The following PTCH1 variants were observed in gnomAD, a reference collection of about 807,000 sequenced individuals.
PTCH1 encodes patched 1, also known as protein patched homolog 1.
PTCH1 carries 14 observed loss-of-function variants against 144.6 expected under a neutral mutation model. The ratio of observed to expected loss-of-function variants is 0.10; its 90% CI spans 0.06 to 0.15. PTCH1 has a LOEUF of 0.15. Among genes scored for constraint, PTCH1 ranks in the 10% least tolerant of loss-of-function variants. The pLI is 1.00. For synonymous variants in PTCH1, 833 were observed against 793.6 expected, an observed-to-expected ratio of 1.05 and a Z score of -0.83; for missense variants, 1,623 against 1,948.3, an observed-to-expected ratio of 0.83 and a Z score of 3.14.
At chr9:95,474,528 T>G (rs1840869060) in intron 12 of PTCH1, among the ~76,000 whole-genome samples, 1 of 152,216 alleles carries the variant, frequency 6.6e-6, no homozygotes, top group African/African-American at 2.4e-5. Flanking sequence ...CTATATAAAT[T>G]TATAATATAA....
chr9:95,474,545 CCT>C (rs1444540254), intron 12 of PTCH1, among the ~76,000 whole-genome samples: 2 of 152,086 alleles, frequency 1.3e-5, no homozygotes, highest in East Asian at 1.9e-4. Context: ...ATAAATAAAC[CCT>C]GTTTTCTTTT....
In PTCH1 at chr9:95,458,202, T is replaced by G; in HGVS notation, c.2979A>C (p.Lys993Asn). The change falls in exon 18 of 24, where the codon AAA becomes AAC. Residue 993 changes from lysine to asparagine, a missense_variant. Around this residue, in one of 7 missense-constraint regions of PTCH1, gnomAD observed 504 missense variants for 679.3 expected, o/e 0.74. Coordinates refer to ENST00000331920, the MANE Select transcript of PTCH1 (RefSeq NM_000264.5). The surrounding 1 kb of genome is among the most constrained non-coding windows in gnomAD (Gnocchi z 4.7). ...TATAGTTGCTGCAGATGGTCCTTAC[T>G]TTTTCAATTGCCTCCACAAAGTCTG... Reference protein sequence around the residue: ...DTSDFVEAIEKVRTICSNYTS... With the variant: ...DTSDFVEAIENVRTICSNYTS... 6.2e-7 allele frequency: 1 copy of G among 1,614,172 alleles called. No individual in the cohort carries two copies.
chr9:95,511,081 C>G (rs978788408), upstream of PTCH1, among the ~76,000 whole-genome samples: 2 of 149,858 alleles, frequency 1.3e-5, no homozygotes, highest in African/African-American at 4.9e-5. Flanking sequence ...TCCCCGCGAC[C>G]GGCCAATGGT....
At chr9:95,516,611 T>C in exon 1 of PTCH1, 1 of 1,603,644 alleles carries the variant, frequency 6.2e-7, no homozygotes, top group Non-Finnish European at 8.5e-7. Context: ...TCTTCCCTCG[T>C]CTCCCCCTTG....
intron 20 of PTCH1, chr9:95,453,208 C>T: frequency 4.6e-6 from 2 of 434,848 alleles, no homozygotes; most frequent in South Asian, 4.0e-5. Context: ...TCTCAGCTCA[C>T]TGCAACCTCC....
At chr9:95,500,893 C>CA (rs1843101430) in intron 2 of PTCH1, among the ~76,000 whole-genome samples, 1 of 152,224 alleles carries the variant, frequency 6.6e-6, no homozygotes, top group South Asian at 2.1e-4. Flanking sequence ...AGATACCCCC[C>CA]ACCAAAAGGT....
At chr9:95,506,684 A>ACCC in intron 1 of PTCH1, 85 bp from the exon 2 acceptor site, 2 of 1,086,724 alleles carry the variant, frequency 1.8e-6, no homozygotes, top group Non-Finnish European at 2.4e-6. Context: ...CCGCCCGGTG[A>ACCC]GCCCCCAACA....
In PTCH1 at chr9:95,447,028, C is replaced by T. The variant is rs1554688143; in HGVS notation, c.4228G>A (p.Glu1410Lys). ...ACGTGGAAAGGCACGTGGGGGTCCT[C>T]AAACAGGCCGTGGTCAGTCTCAGGG... ...GYPETDHGLF[E>K]DPHVPFHVRC... Residue 1410 changes from glutamate (E) to lysine (K), a missense_variant, in exon 23 of 24, where the codon GAG (glutamate) becomes AAG (lysine). Physicochemically the swap from Glu to Lys is moderately conservative, Grantham distance 56. Coordinates refer to ENST00000331920, the MANE Select transcript of PTCH1 (RefSeq NM_000264.5). 6.2e-7 allele frequency: 1 copy of T among 1,614,210 alleles called. No individual in the cohort carries two copies. The highest frequency in any genetic ancestry group is 8.5e-7 in the Non-Finnish European group (1 of 1,180,048).
chr9:95,449,916 G>C lies in PTCH1; in HGVS notation c.3474C>G (p.Ile1158Met), dbSNP rs1564009823. The C allele has an allele frequency of 6.2e-7, 1 of 1,614,192 alleles. No individual in the cohort carries two copies. The highest frequency in any genetic ancestry group is 8.5e-7 in the Non-Finnish European group (1 of 1,180,040). ...IVRYFFAVLA[I>M]LTILGVLNGL... The stretch of plus-strand genomic sequence containing the variant: ...CATTGAGAACGCCGAGGATGGTGAG[G>C]ATCGCCAGCACAGCAAAGAAATACC... Residue 1158 changes from isoleucine to methionine, a missense_variant, in exon 21 of 24, where the codon ATC becomes ATG. This residue lies in a region of PTCH1 where 504 missense variants were observed against 679.3 expected (regional missense o/e 0.74). Coordinates refer to ENST00000331920, the MANE Select transcript of PTCH1 (RefSeq NM_000264.5). The surrounding 1 kb of genome is among the most constrained non-coding windows in gnomAD (Gnocchi z 5.3).
chr9:95,499,940 G>A (rs1587673628), intron 2 of PTCH1, among the ~76,000 whole-genome samples: 1 of 151,902 alleles, frequency 6.6e-6, no homozygotes, highest in Admixed American at 6.6e-5. Flanking sequence ...CAGGAGAACA[G>A]GGCAGACGAG....
At chr9:95,504,644 C>CA (rs1212142180) in intron 2 of PTCH1, among the ~76,000 whole-genome samples, 1 of 152,152 alleles carries the variant, frequency 6.6e-6, no homozygotes, top group African/African-American at 2.4e-5. Flanking sequence ...GGCAGCGCCC[C>CA]TACAGTCTAG....
At chr9:95,507,453 A>G (rs1215357749) in intron 1 of PTCH1, 1 of 984,608 alleles carries the variant, frequency 1.0e-6, no homozygotes, top group Non-Finnish European at 1.2e-6. Context: ...CCTCGTAAAC[A>G]CAATGAACCC....
At position 95,447,404 on chromosome 9, in the gene PTCH1, C is replaced by T. The variant is rs530952447; in HGVS notation, c.3852G>A (p.Gln1284=). Residue 1284 remains glutamine (Q), a synonymous_variant, in exon 23 of 24, where the codon CAG becomes CAA. Transcript: ENST00000331920. ...SRHHPPSNPR[Q]QPHLDSGSLP... ...GGGACCCTGAGTCCAGGTGGGGCTG[C>T]TGTCTCGGGTTCGAGGGTGGGTGAT... 2 of 1,608,180 alleles carry T rather than the reference C, an allele frequency of 1.2e-6. No homozygotes were observed. Among genetic ancestry groups the T allele is most frequent in the African/African-American group, 2.7e-5 (2 of 74,786 alleles).
chr9:95,457,525 A>C (rs573997404), intron 18 of PTCH1, among the ~76,000 whole-genome samples: 4 of 152,182 alleles, frequency 2.6e-5, no homozygotes, highest in Non-Finnish European at 5.9e-5. Flanking sequence ...GATGCCAAAA[A>C]ACAGGTTCGT....
At chr9:95,507,464 G>C (rs1488267154) in intron 1 of PTCH1, 25 of 982,362 alleles carry the variant, frequency 2.5e-5, no homozygotes, top group South Asian at 4.7e-5. Context: ...CAATGAACCC[G>C]GCAGCTCCGC....
chr9:95,516,797 C>T (rs886439992), exon 1 of PTCH1: 1 of 1,611,642 alleles, frequency 6.2e-7, no homozygotes, highest in African/African-American at 1.3e-5. Context: ...CAATTACAAG[C>T]CTGTTTCTAT....
chr9:95,484,947 T>G (rs1407054941), intron 3 of PTCH1, among the ~76,000 whole-genome samples: 2 of 152,116 alleles, frequency 1.3e-5, no homozygotes, highest in East Asian at 1.9e-4. Context: ...GGCTCACGCT[T>G]GTAACCCCAG....
intron 3 of PTCH1, among the ~76,000 whole-genome samples, chr9:95,485,319 T>C (rs1311124106): frequency 2.0e-5 from 3 of 152,182 alleles, no homozygotes; most frequent in Non-Finnish European, 4.4e-5. Context: ...GCTCTTCTTT[T>C]TCGCATTGTT....
chr9:95,500,048 G>A (rs1843045677), intron 2 of PTCH1, among the ~76,000 whole-genome samples: 1 of 152,118 alleles, frequency 6.6e-6, no homozygotes, highest in Non-Finnish European at 1.5e-5. Context: ...ACATAAACAT[G>A]GCATTGTGGA....
Sources: gnomAD v4.1 joint callset for allele counts (sites outside exome capture counted in the v4.1 genomes callset) on GRCh38, gnomAD v4.1.1 for gene constraint, gnomAD v4.1.1 regional missense constraint, Gnocchi (gnomAD v3.1) non-coding constraint, MANE v1.5 for transcripts, NCBI Gene and HGNC (gene_info 2026-07-23, HGNC 2026-07-21) for gene names.